Variants in IGF2R observed in about 807,000 individuals in gnomAD.
IGF2R encodes insulin like growth factor 2 receptor, also known as cation-independent mannose-6-phosphate receptor.
IGF2R carries 91 observed loss-of-function variants against 270.6 expected under a neutral mutation model. That is an observed-to-expected ratio of 0.34 (90% CI 0.28 to 0.40). The LOEUF (loss-of-function observed/expected upper bound fraction) is 0.40. IGF2R is among the 10% of genes least tolerant of loss of function. The pLI, the probability that IGF2R is intolerant of heterozygous loss-of-function variation, is 1.00. For missense variants in IGF2R, 2,805 were observed against 3,188.3 expected, an observed-to-expected ratio of 0.88 and a Z score of 2.90; for synonymous variants, 1,316 against 1,258.9, an observed-to-expected ratio of 1.05 and a Z score of -0.96.
rs200211134 is a variant in IGF2R, at chr6:160,002,234, T to TA, written c.290-6769dup. Among the ~76,000 whole-genome samples the TA allele has an allele frequency of 6.6e-5, 10 of 151,608 alleles. No homozygotes were observed. In the East Asian group the frequency reaches 1.9e-3, roughly 29 times the overall value. On this transcript the variant is annotated intron_variant, in intron 2 of 47. Coordinates refer to ENST00000356956, the MANE Select transcript of IGF2R (RefSeq NM_000876.4). ...AGTGGAACCCCATCTCTGCAAAAAA[T>TA]AAAAAAATTAGCCAGGCATGGTGGT...
Position 160,044,517 on chromosome 6 carries a change from A to C in IGF2R, c.1625A>C (p.Lys542Thr), listed in dbSNP as rs1477086692. ...PEDAAVCAVD[K>T]NGSKNLGKFI... ...TTTCTCCCCCTTTCTCTTCCAGATAAAAATGGAAGTAAAAATCTGGGAAAA... is the reference window on the plus strand; with the variant it reads ...TTTCTCCCCCTTTCTCTTCCAGATACAAATGGAAGTAAAAATCTGGGAAAA... The change falls in exon 13 of 48, where the codon AAA becomes ACA. Residue 542 changes from lysine (K) to threonine (T), a missense_variant. Around this residue, in one of 2 missense-constraint regions of IGF2R, gnomAD observed 954 missense variants for 981.1 expected, o/e 0.97. Transcript: ENST00000356956. 1.2e-6 allele frequency: 2 copies of C among 1,602,426 alleles called. No individual in the cohort carries two copies. Among genetic ancestry groups the C allele is most frequent in the African/African-American group, 2.7e-5 (2 of 74,628 alleles).
chr6:160,096,079 T>C (rs1303310685), intron 44 of IGF2R: 1 of 170,396 alleles, frequency 5.9e-6, no homozygotes, highest in Non-Finnish European at 1.2e-5. Context: ...GGCTCCTTGA[T>C]TTGCATATTT....
At chr6:160,017,201 A>C (rs1047577455) in intron 4 of IGF2R, among the ~76,000 whole-genome samples, 3 of 152,210 alleles carry the variant, frequency 2.0e-5, no homozygotes, top group African/African-American at 7.2e-5. Context: ...AGAAATGAAA[A>C]ATTTATTATA....
intron 42 of IGF2R, among the ~76,000 whole-genome samples, chr6:160,088,502 A>G (rs1165023041): frequency 2.0e-5 from 3 of 152,228 alleles, no homozygotes; most frequent in African/African-American, 7.2e-5. Flanking sequence ...ACCCTCGAGC[A>G]GCTGGGACCT....
At chr6:160,083,031 C>T (rs553312240) in intron 39 of IGF2R, among the ~76,000 whole-genome samples, 14 of 152,286 alleles carry the variant, frequency 9.2e-5, no homozygotes, top group East Asian at 3.9e-4. Context: ...CCCAGGGGAC[C>T]GGCACTCAGC....
rs8191845 is a variant in IGF2R, at chr6:160,062,075, T to G, written c.3582+147T>G. 781 of 703,874 alleles carry G rather than the reference T, an allele frequency of 1.1e-3. 1 individual carries two copies. Among genetic ancestry groups the G allele is most frequent in the Non-Finnish European group, 1.7e-3 (732 of 426,176 alleles). 43.6% of individuals were successfully genotyped at this position (703,874 alleles called of 1,614,324 possible). On this transcript the variant is annotated intron_variant, in intron 25 of 47. Transcript: ENST00000356956. Reference sequence around the variant, plus strand: ...TTGCTAGGGTTTGACGAGAATGCACTCATTTCTTCAGGTCTTAAATGTTTA... The same window carrying G: ...TTGCTAGGGTTTGACGAGAATGCACGCATTTCTTCAGGTCTTAAATGTTTA...
At chr6:160,006,070 C>A in intron 2 of IGF2R, 1 of 158,636 alleles carries the variant, frequency 6.3e-6, no homozygotes, top group African/African-American at 2.4e-5. Flanking sequence ...CCGGCATCCT[C>A]CGTGCCCCAT....
chr6:160,055,637 G>T (rs941376144), intron 19 of IGF2R, among the ~76,000 whole-genome samples: 1 of 152,194 alleles, frequency 6.6e-6, no homozygotes, highest in Non-Finnish European at 1.5e-5. Flanking sequence ...TGTGGACTCA[G>T]TGTTAGTGGC....
chr6:159,992,815 A>G (rs1562335398), intron 2 of IGF2R, among the ~76,000 whole-genome samples: 1 of 152,130 alleles, frequency 6.6e-6, no homozygotes, highest in Non-Finnish European at 1.5e-5. Flanking sequence ...TTCTATTTTT[A>G]GTTCCTTGAT....
At chr6:159,973,826 A>G (rs1282121129) in intron 1 of IGF2R, among the ~76,000 whole-genome samples, 1 of 152,226 alleles carries the variant, frequency 6.6e-6, no homozygotes. Context: ...AATAATTGAG[A>G]TGTTCCCTTC....
At chr6:160,036,938 C>T (rs554680579) in intron 10 of IGF2R, among the ~76,000 whole-genome samples, 2 of 152,192 alleles carry the variant, frequency 1.3e-5, no homozygotes, top group Admixed American at 6.5e-5. Flanking sequence ...CTTGACAAAA[C>T]GGGTGAAGGC....
Position 160,100,716 on chromosome 6 carries a change from C to G in IGF2R, c.6843-1803C>G, listed in dbSNP as rs148853714. On this transcript the variant is annotated intron_variant, in intron 45 of 47. Transcript: ENST00000356956. ...ATTAACCACAAAGCAGGCAAGTCAG[C>G]AATTTCCCTTTTTTTTTTTTTTTTT... Among the ~76,000 whole-genome samples the G allele has an allele frequency of 2.2e-3, 206 of 94,750 alleles. 7 individuals carry two copies. The highest frequency in any genetic ancestry group is 3.6e-3 in the Non-Finnish European group (173 of 48,546). The allele number at this position is 94,750 out of a possible 152,430, so 62.2% of individuals were successfully genotyped here.
chr6:160,101,542 G>T (rs371889669), intron 45 of IGF2R, among the ~76,000 whole-genome samples: 4 of 152,258 alleles, frequency 2.6e-5, no homozygotes, highest in African/African-American at 9.6e-5. Context: ...GCTGGGCCGC[G>T]GGTTGGCCTG....
intron 39 of IGF2R, among the ~76,000 whole-genome samples, 192 bp from the exon 40 acceptor site, chr6:160,083,757 AT>A (rs1158043233): frequency 1.3e-5 from 2 of 152,182 alleles, no homozygotes; most frequent in Non-Finnish European, 2.9e-5. Context: ...TACAACACAT[AT>A]TTTTGTGAGC....
intron 21 of IGF2R, 94 bp from the exon 22 acceptor site, chr6:160,058,812 T>G: frequency 9.2e-7 from 1 of 1,089,090 alleles, no homozygotes; most frequent in Admixed American, 2.2e-5. Context: ...AAGAAATGTT[T>G]AACCTAGTGG....
At chr6:160,013,045 T>A (rs1344993515) in intron 4 of IGF2R, among the ~76,000 whole-genome samples, 1 of 152,000 alleles carries the variant, frequency 6.6e-6, no homozygotes, top group East Asian at 1.9e-4. Flanking sequence ...GACCTCTCAG[T>A]CCCACAGATA....
chr6:160,058,632 A>C (rs888296252), intron 21 of IGF2R, among the ~76,000 whole-genome samples: 1 of 152,214 alleles, frequency 6.6e-6, no homozygotes, highest in Non-Finnish European at 1.5e-5. Context: ...TATATGGTAC[A>C]TTATTACATG....
chr6:160,022,477 A>G (rs927730201), intron 4 of IGF2R, among the ~76,000 whole-genome samples: 1 of 152,210 alleles, frequency 6.6e-6, no homozygotes, highest in Admixed American at 6.5e-5. Flanking sequence ...TTTTAAAATA[A>G]AAAGACCATT....
At chr6:159,988,455 A>G (rs1583244175) in intron 1 of IGF2R, among the ~76,000 whole-genome samples, 1 of 148,598 alleles carries the variant, frequency 6.7e-6, no homozygotes, top group South Asian at 2.2e-4. Context: ...GGAGCTTGCA[A>G]TGAGCGGAGA....
Sources: allele counts gnomAD v4.1 joint callset (sites outside exome capture counted in the v4.1 genomes callset), GRCh38; gene constraint gnomAD v4.1.1; regional missense constraint gnomAD v4.1.1; transcripts MANE v1.5; gene names NCBI Gene and HGNC (gene_info 2026-07-23, HGNC 2026-07-21).